THOC7: variants seen among roughly 807,000 people sequenced by gnomAD.
THOC7 encodes THO complex subunit 7, also known as NIF3L1-binding protein 1.
A neutral mutation model predicts 33.1 loss-of-function variants in THOC7; 22 were observed. The observed-to-expected ratio is 0.66, with a 90% confidence interval of 0.47 to 0.95. The LOEUF (loss-of-function observed/expected upper bound fraction) is 0.95, where lower values mean the gene tolerates loss of function less well. Among genes scored for constraint, THOC7 ranks in the 40% least tolerant of loss-of-function variants. The pLI is 0.00. For synonymous variants in THOC7, 77 were observed against 76.8 expected (o/e 1.00, Z -0.01); for missense variants, 184 against 245.3 (o/e 0.75, Z 1.67).
At chr3:63,834,280 T>C (rs1701582288) in intron 7 of THOC7, 81 bp from the exon 8 acceptor site, 4 of 1,372,926 alleles carry the variant, frequency 2.9e-6, no homozygotes, top group Non-Finnish European at 4.1e-6. Context: ...AACATGTTTA[T>C]CCTTTATTAG....
chr3:63,855,920 G>A (rs542545011), intron 1 of THOC7, among the ~76,000 whole-genome samples: 1 of 152,240 alleles, frequency 6.6e-6, no homozygotes, highest in South Asian at 2.1e-4. Context: ...ATTATAGTGG[G>A]GAAAACAGCT....
In THOC7 at chr3:63,840,044, G is replaced by C. The variant is rs1415399227; in HGVS notation, c.20-271C>G. On this transcript the variant is annotated intron_variant, in intron 1 of 7. Coordinates refer to ENST00000295899, the MANE Select transcript of THOC7 (RefSeq NM_025075.4). ...CTATTGTGTGTCAGGTACTATTCTA[G>C]GGGCTGGAGTAATAGCAGTGAAAAG... is the stretch of plus-strand genomic sequence containing the variant. 2.6e-5 allele frequency among the ~76,000 whole-genome samples: 4 copies of C among 152,108 alleles called. No homozygotes were observed. In the South Asian group the frequency reaches 8.3e-4, roughly 32 times the overall value.
At chr3:63,844,306 G>C (rs1207347164) in intron 1 of THOC7, among the ~76,000 whole-genome samples, 2 of 152,222 alleles carry the variant, frequency 1.3e-5, no homozygotes, top group Non-Finnish European at 2.9e-5. Context: ...GGTGACTATA[G>C]TTAATGATGA....
intron 1 of THOC7, among the ~76,000 whole-genome samples, chr3:63,847,176 C>T (rs1310125221): frequency 6.6e-6 from 1 of 152,128 alleles, no homozygotes; most frequent in East Asian, 1.9e-4. Context: ...TAAAATCAGG[C>T]TTCCCACCCA....
intron 2 of THOC7, 68 bp from the exon 3 acceptor site, chr3:63,838,567 C>T: frequency 7.0e-7 from 1 of 1,426,968 alleles, no homozygotes; most frequent in Non-Finnish European, 9.4e-7. Context: ...TGTTATAATG[C>T]AGACAAATAT....
At chr3:63,855,503 C>T (rs566948037) in intron 1 of THOC7, among the ~76,000 whole-genome samples, 4 of 152,276 alleles carry the variant, frequency 2.6e-5, no homozygotes, top group Admixed American at 2.6e-4. Flanking sequence ...TAGAGCAACT[C>T]TAGATTTCTA....
At chr3:63,846,226 AGCAGTTAAAC>A in intron 1 of THOC7, 1 of 451,636 alleles carries the variant, frequency 2.2e-6, no homozygotes, top group Middle Eastern at 3.3e-4. Context: ...CCCTGAAAAA[AGCAGTTAAAC>A]AGTTTCCTTA....
chr3:63,836,259 G>A, intron 5 of THOC7, 42 bp downstream of exon 5: 1 of 1,580,408 alleles, frequency 6.3e-7, no homozygotes, highest in Non-Finnish European at 8.6e-7. Flanking sequence ...GAGCATTTAT[G>A]TATAAAGGTT....
At chr3:63,837,189 T>C (rs1160161297) in intron 4 of THOC7, among the ~76,000 whole-genome samples, 1 of 151,938 alleles carries the variant, frequency 6.6e-6, no homozygotes, top group African/African-American at 2.4e-5. Context: ...TACAAAATAA[T>C]ACATGCCCTA....
intron 1 of THOC7, among the ~76,000 whole-genome samples, chr3:63,845,468 G>A (rs1235365344): frequency 6.6e-6 from 1 of 152,184 alleles, no homozygotes; most frequent in Non-Finnish European, 1.5e-5. Context: ...ATGACCAGAG[G>A]GAAATGTGCG....
chr3:63,859,540 G>T (rs1221697100), intron 1 of THOC7, among the ~76,000 whole-genome samples: 3 of 152,186 alleles, frequency 2.0e-5, no homozygotes, highest in African/African-American at 7.2e-5. Flanking sequence ...TCATGTGGTT[G>T]AACCTGTCAG....
intron 1 of THOC7, among the ~76,000 whole-genome samples, chr3:63,850,673 G>A (rs1160564332): frequency 7.1e-6 from 1 of 141,580 alleles, no homozygotes; most frequent in Non-Finnish European, 1.5e-5. Flanking sequence ...TGCAACCTCT[G>A]CCTCCTGGGT....
chr3:63,860,164 G>A (rs771660780), intron 1 of THOC7, among the ~76,000 whole-genome samples: 1 of 151,918 alleles, frequency 6.6e-6, no homozygotes, highest in Non-Finnish European at 1.5e-5. Context: ...TAGTAGAGAT[G>A]AGTAGCTGAG....
chr3:63,845,760 A>C (rs1264890408), intron 1 of THOC7, among the ~76,000 whole-genome samples: 1 of 152,090 alleles, frequency 6.6e-6, no homozygotes, highest in Non-Finnish European at 1.5e-5. Flanking sequence ...TCCAACATAA[A>C]ATGGTTTCTT....
intron 1 of THOC7, among the ~76,000 whole-genome samples, chr3:63,850,852 G>A (rs902841258): frequency 1.3e-5 from 2 of 152,102 alleles, no homozygotes; most frequent in Non-Finnish European, 2.9e-5. Context: ...CTCCCAAAGT[G>A]TTGGGATTAC....
chr3:63,846,667 T>C (rs935048544), intron 1 of THOC7, among the ~76,000 whole-genome samples: 1 of 152,138 alleles, frequency 6.6e-6, no homozygotes, highest in Non-Finnish European at 1.5e-5. Context: ...CACCTCGGCC[T>C]CCTAAAGTGC....
chr3:63,853,157 G>GAAAAAAAAAAAAAAAAA (rs1195911287), intron 1 of THOC7, among the ~76,000 whole-genome samples: 1 of 73,490 alleles, frequency 1.4e-5, no homozygotes, highest in African/African-American at 5.1e-5. Context: ...TCTCAAAAAA[G>GAAAAAAAAAAAAAAAAA]AAAAAAAAAA....
chr3:63,862,136 TA>T (rs1423374195), intron 1 of THOC7, among the ~76,000 whole-genome samples: 1 of 152,202 alleles, frequency 6.6e-6, no homozygotes, highest in Non-Finnish European at 1.5e-5. Context: ...ACACCAGTGT[TA>T]AAACTTTTAA....
chr3:63,863,856 G>A, upstream of THOC7: 2 of 1,214,330 alleles, frequency 1.6e-6, no homozygotes, highest in Non-Finnish European at 2.0e-6. Flanking sequence ...GGCGGCGGAG[G>A]TCAAACTCCC....
Sources: allele counts gnomAD v4.1 joint callset (sites outside exome capture counted in the v4.1 genomes callset), GRCh38; gene constraint gnomAD v4.1.1; transcripts MANE v1.5; gene names NCBI Gene and HGNC (gene_info 2026-07-23, HGNC 2026-07-21).